VPS35L: variants seen among roughly 807,000 people sequenced by gnomAD.
VPS35L encodes VPS35 endosomal protein-sorting factor-like.
A neutral mutation model predicts 133.0 loss-of-function variants in VPS35L; 83 were observed. The observed-to-expected ratio is 0.62, with a 90% confidence interval of 0.52 to 0.75. The LOEUF is 0.75. VPS35L is among the 30% of genes least tolerant of loss of function. The pLI, the probability that VPS35L is intolerant of heterozygous loss-of-function variation, is 0.00. For missense variants in VPS35L, 1,083 were observed against 1,206.8 expected (o/e 0.90, Z 1.52); for synonymous variants, 423 against 449.9 (o/e 0.94, Z 0.76).
At chr16:19,638,244 A>G (rs1355091338) in intron 20 of VPS35L, among the ~76,000 whole-genome samples, 2 of 152,186 alleles carry the variant, frequency 1.3e-5, no homozygotes, top group African/African-American at 4.8e-5. Flanking sequence ...ACAAGATTGT[A>G]AGATTTTTTA....
Position 19,647,157 on chromosome 16 carries a change from G to A in VPS35L, c.1930-627G>A, listed in dbSNP as rs112372604. Reference sequence around the variant, plus strand: ...ACAGACATATGGATTTTCCCAAGTCGCTCTCCTTTGCCCTTGCTTTTTGTA... The same window carrying A: ...ACAGACATATGGATTTTCCCAAGTCACTCTCCTTTGCCCTTGCTTTTTGTA... On this transcript the variant is annotated intron_variant, in intron 23 of 30. Coordinates refer to ENST00000417362, the MANE Select transcript of VPS35L (RefSeq NM_020314.7). Among the ~76,000 whole-genome samples the A allele has an allele frequency of 5.2e-3, 799 of 152,210 alleles. 9 individuals are homozygous for A. The highest frequency in any genetic ancestry group is 0.018 in the African/African-American group (752 of 41,516).
At chr16:19,603,085 A>G (rs1170030121) in intron 9 of VPS35L, among the ~76,000 whole-genome samples, 1 of 152,094 alleles carries the variant, frequency 6.6e-6, no homozygotes, top group African/African-American at 2.4e-5. Context: ...ATACTATTTA[A>G]TGTGCACATT....
At chr16:19,680,049 G>C (rs778121620) in intron 27 of VPS35L, among the ~76,000 whole-genome samples, 3 of 152,160 alleles carry the variant, frequency 2.0e-5, no homozygotes, top group African/African-American at 7.2e-5. Context: ...GAGGCAGTGC[G>C]AATCTGGTAC....
chr16:19,572,665 G>A (rs559199201), intron 3 of VPS35L, among the ~76,000 whole-genome samples: 1 of 151,976 alleles, frequency 6.6e-6, no homozygotes, highest in African/African-American at 2.4e-5. Flanking sequence ...TATGTTTATT[G>A]TCCATTTATG....
At chr16:19,576,165 C>T (rs952375936) in intron 5 of VPS35L, among the ~76,000 whole-genome samples, 1 of 72,286 alleles carries the variant, frequency 1.4e-5, no homozygotes, top group African/African-American at 5.5e-5. Flanking sequence ...GACTCTGTCT[C>T]AAAAAAAAAA....
chr16:19,555,993 C>G (rs1404129788), intron 1 of VPS35L, among the ~76,000 whole-genome samples: 1 of 152,170 alleles, frequency 6.6e-6, no homozygotes, highest in Non-Finnish European at 1.5e-5. Flanking sequence ...GGGCCCCTGT[C>G]CATTCATTCC....
At chr16:19,573,876 G>T (rs918796942) in intron 4 of VPS35L, among the ~76,000 whole-genome samples, 1 of 152,132 alleles carries the variant, frequency 6.6e-6, no homozygotes, top group African/African-American at 2.4e-5. Context: ...CAACACTGGA[G>T]GAGAAAGGTG....
At chr16:19,614,905 C>T (rs1468889495) in intron 12 of VPS35L, among the ~76,000 whole-genome samples, 1 of 152,174 alleles carries the variant, frequency 6.6e-6, no homozygotes, top group Non-Finnish European at 1.5e-5. Flanking sequence ...AGAAATGTTA[C>T]AGTCTGTTTT....
rs1973817447 is a variant in VPS35L at position 19,642,483 on chromosome 16, C to T, written c.1865+7C>T. ...CCATGCATGACTCTGTGAAGTAAGCCATGCTTACAGCTGAAATATAACATG... is the reference window on the plus strand; with the variant it reads ...CCATGCATGACTCTGTGAAGTAAGCTATGCTTACAGCTGAAATATAACATG... On this transcript the variant is annotated splice_region_variant and intron_variant, in intron 22 of 30. Coordinates refer to ENST00000417362, the MANE Select transcript of VPS35L (RefSeq NM_020314.7). 2 of 1,607,472 alleles carry T rather than the reference C, an allele frequency of 1.2e-6. No individual in the cohort carries two copies. The highest frequency in any genetic ancestry group is 8.5e-7 in the Non-Finnish European group (1 of 1,174,996).
At chr16:19,572,225 C>T (rs558995493) in intron 3 of VPS35L, among the ~76,000 whole-genome samples, 13 of 152,224 alleles carry the variant, frequency 8.5e-5, no homozygotes, top group Middle Eastern at 3.4e-3. Flanking sequence ...CGAGACCAGC[C>T]GGACCAACGT....
intron 5 of VPS35L, among the ~76,000 whole-genome samples, chr16:19,577,456 C>T (rs1332118576): frequency 6.6e-6 from 1 of 152,210 alleles, no homozygotes; most frequent in Non-Finnish European, 1.5e-5. Context: ...CCAGGCCCCA[C>T]CTCCAACACT....
chr16:19,614,504 G>A (rs113870515), intron 12 of VPS35L, among the ~76,000 whole-genome samples: 10,321 of 152,204 alleles, frequency 0.068, 1,092 homozygotes, highest in African/African-American at 0.23. Flanking sequence ...ACCACCTCCC[G>A]GGTTCAAGCG....
intron 14 of VPS35L, 75 bp downstream of exon 14, chr16:19,616,883 G>A (rs778991617): frequency 1.0e-5 from 16 of 1,590,096 alleles, no homozygotes; most frequent in East Asian, 2.2e-5. Context: ...GCCCTTTAAC[G>A]TTAATGGGAC....
At chr16:19,675,463 A>C (rs372680795) in intron 27 of VPS35L, among the ~76,000 whole-genome samples, 12 of 152,144 alleles carry the variant, frequency 7.9e-5, no homozygotes, top group Non-Finnish European at 1.6e-4. Context: ...CAAGATCCTG[A>C]TTTCAATTTG....
chr16:19,576,720 T>C (rs905799903), intron 5 of VPS35L, among the ~76,000 whole-genome samples: 1 of 151,340 alleles, frequency 6.6e-6, no homozygotes, highest in African/African-American at 2.4e-5. Flanking sequence ...GGGAACAGCT[T>C]TGTTATGCAT....
chr16:19,626,091 A>G, intron 14 of VPS35L, 86 bp from the exon 15 acceptor site: 1 of 829,890 alleles, frequency 1.2e-6, no homozygotes, highest in Non-Finnish European at 1.9e-6. Context: ...CATTCATTTT[A>G]GAGTTCGACT....
chr16:19,699,521 C>T lies in VPS35L; in HGVS notation c.2666C>T (p.Ser889Leu), dbSNP rs1263409854. ...TTTCAGGCCCTGAAGCGCCAGAGCTCGTTGGGCCTTTCCTTCTTTAACAGC... is the reference window on the plus strand; with the variant it reads ...TTTCAGGCCCTGAAGCGCCAGAGCTTGTTGGGCCTTTCCTTCTTTAACAGC... ...AKDEALKRQS[S>L]LGLSFFNSIL... Residue 889 changes from serine to leucine, a missense_variant, in exon 30 of 31, where the codon TCG (serine) becomes TTG (leucine). Physicochemically the swap from Ser to Leu is moderately radical, Grantham distance 145. Transcript: ENST00000417362. This position sits in a 1 kb window ranked among gnomAD's most constrained non-coding sequence, Gnocchi z 4.2. The T allele has an allele frequency of 2.0e-5, 32 of 1,614,054 alleles. No homozygotes were observed. The highest frequency in any genetic ancestry group is 2.5e-5 in the Non-Finnish European group (29 of 1,180,026).
intron 9 of VPS35L, among the ~76,000 whole-genome samples, chr16:19,605,224 A>C (rs575442410): frequency 7.2e-5 from 11 of 152,246 alleles, no homozygotes; most frequent in Non-Finnish European, 1.6e-4. Context: ...GCCTTCTCTT[A>C]AAATACCCAC....
chr16:19,630,013 G>A (rs1973395449), intron 18 of VPS35L, among the ~76,000 whole-genome samples, 193 bp downstream of exon 18: 1 of 152,064 alleles, frequency 6.6e-6, no homozygotes, highest in Non-Finnish European at 1.5e-5. Flanking sequence ...ACTGTTCCAT[G>A]TTTACATTTA....
Sources: gnomAD v4.1 joint callset for allele counts (sites outside exome capture counted in the v4.1 genomes callset) on GRCh38, gnomAD v4.1.1 for gene constraint, Gnocchi (gnomAD v3.1) non-coding constraint, MANE v1.5 for transcripts, NCBI Gene and HGNC (gene_info 2026-07-23, HGNC 2026-07-21) for gene names.